Variants in COMT observed in about 807,000 individuals in gnomAD.
COMT encodes catechol O-methyltransferase.
Under a neutral mutation model 18.9 loss-of-function variants are expected in COMT, and 13 were observed. The ratio of observed to expected loss-of-function variants is 0.69; its 90% CI spans 0.45 to 1.09. COMT has a LOEUF of 1.09. Among genes scored for constraint, COMT ranks in the 50% least tolerant of loss-of-function variants. The pLI is 0.00. For missense variants in COMT, 329 were observed against 361.8 expected (o/e 0.91, Z 0.73); for synonymous variants, 150 against 160.9 (o/e 0.93, Z 0.51).
At position 19,968,747 on chromosome 22, in the gene COMT, G is replaced by C. The variant is rs138327309; in HGVS notation, c.*11G>C. 35 of 1,348,110 alleles carry C rather than the reference G, an allele frequency of 2.6e-5. No homozygotes were observed. Among genetic ancestry groups the C allele is most frequent in the East Asian group, 1.7e-4 (7 of 40,364 alleles). The allele number at this position is 1,348,110 out of a possible 1,614,324, so 83.5% of individuals were successfully genotyped here. On this transcript the variant is annotated 3_prime_UTR_variant, in exon 6 of 6. Transcript: ENST00000361682. Reference sequence around the variant, plus strand: ...GAAGCAGGGCCCTGACTGCCCCCCCGGCCCCCCTCTCGGGCTCTCTCACCC... The same window carrying C: ...GAAGCAGGGCCCTGACTGCCCCCCCCGCCCCCCTCTCGGGCTCTCTCACCC...
chr22:19,944,966 A>G (rs1035160172), intron 1 of COMT, among the ~76,000 whole-genome samples: 2 of 152,238 alleles, frequency 1.3e-5, no homozygotes, highest in Non-Finnish European at 2.9e-5. Flanking sequence ...GAAGATAATC[A>G]AAGTGAGATT....
chr22:19,956,637 A>G (rs1433537913), intron 1 of COMT, among the ~76,000 whole-genome samples: 2 of 152,176 alleles, frequency 1.3e-5, no homozygotes, highest in Non-Finnish European at 2.9e-5. Flanking sequence ...TGGCCTCCCA[A>G]AGTGCTGGGA....
At chr22:19,967,852 T>G (rs5993889) in intron 5 of COMT, among the ~76,000 whole-genome samples, 4,147 of 152,348 alleles carry the variant, frequency 0.027, 187 homozygotes, top group African/African-American at 0.092. Context: ...TCTGATAGCA[T>G]AGATAGGCAA....
intron 1 of COMT, among the ~76,000 whole-genome samples, chr22:19,958,383 T>C (rs963619816): frequency 6.6e-6 from 1 of 151,818 alleles, no homozygotes; most frequent in African/African-American, 2.4e-5. Context: ...CAGACTGGTA[T>C]GGGACTCCTG....
rs1303461986 is a variant in COMT at position 19,968,566 on chromosome 22, C to A, written c.646C>A (p.Leu216Ile). Residue 216 changes from leucine (L) to isoleucine (I), a missense_variant, in exon 6 of 6, where the codon CTA becomes ATA. Physicochemically the swap from Leu to Ile is conservative, Grantham distance 5. Transcript: ENST00000361682. ...ECGLLRKGTV[L>I]LADNVICPGA... The stretch of plus-strand genomic sequence containing the variant: ...TGGCCTGCTGCGGAAGGGGACAGTG[C>A]TACTGGCTGACAACGTGATCTGCCC... 1 of 1,614,042 alleles carries A rather than the reference C, an allele frequency of 6.2e-7. No individual in the cohort carries two copies. The highest frequency in any genetic ancestry group is 1.7e-5 in the Admixed American group (1 of 60,028).
intron 5 of COMT, chr22:19,964,609 C>A: frequency 1.7e-6 from 1 of 603,130 alleles, no homozygotes; most frequent in Non-Finnish European, 3.0e-6. Flanking sequence ...AGGGCAGAAA[C>A]GGCACAGGAC....
intron 1 of COMT, among the ~76,000 whole-genome samples, chr22:19,947,462 T>C (rs1601508162): frequency 6.6e-6 from 1 of 151,970 alleles, no homozygotes; most frequent in Admixed American, 6.6e-5. Flanking sequence ...GGGGGCAGGG[T>C]AAGGAGTGTG....
In COMT at chr22:19,968,567, T is replaced by G. The variant is rs1942559475; in HGVS notation, c.647T>G (p.Leu216Arg). ...ECGLLRKGTV[L>R]LADNVICPGA... ...GGCCTGCTGCGGAAGGGGACAGTGC[T>G]ACTGGCTGACAACGTGATCTGCCCA... is the stretch of plus-strand genomic sequence containing the variant. The change falls in exon 6 of 6, where the codon CTA (leucine) becomes CGA (arginine). Residue 216 changes from leucine (L) to arginine (R), a missense_variant. Coordinates refer to ENST00000361682, the MANE Select transcript of COMT (RefSeq NM_000754.4). 1 of 1,613,924 alleles carries G rather than the reference T, an allele frequency of 6.2e-7. No homozygotes were observed. Among genetic ancestry groups the G allele is most frequent in the African/African-American group, 1.3e-5 (1 of 74,908 alleles).
intron 5 of COMT, chr22:19,964,650 G>A (rs1942294892): frequency 5.1e-6 from 3 of 588,628 alleles, no homozygotes; most frequent in Non-Finnish European, 9.1e-6. Context: ...GGGCCGCTCT[G>A]GGCCCAGCCT....
intron 5 of COMT, among the ~76,000 whole-genome samples, chr22:19,966,687 T>C (rs1384236761): frequency 6.6e-6 from 1 of 152,110 alleles, no homozygotes; most frequent in African/African-American, 2.4e-5. Flanking sequence ...GCGATCCTCT[T>C]GCCTCAACCT....
intron 1 of COMT, chr22:19,950,842 AAGC>A (rs1171710673): frequency 6.6e-6 from 1 of 152,182 alleles, no homozygotes; most frequent in Admixed American, 6.5e-5. Context: ...ACAAGGAAGG[AAGC>A]AGACAGAGGC....
At chr22:19,964,653 C>T in intron 5 of COMT, 1 of 587,368 alleles carries the variant, frequency 1.7e-6, no homozygotes, top group Non-Finnish European at 3.0e-6. Context: ...CCGCTCTGGG[C>T]CCAGCCTGCT....
chr22:19,959,040 C>T (rs1176585021), intron 1 of COMT, among the ~76,000 whole-genome samples: 1 of 152,166 alleles, frequency 6.6e-6, no homozygotes, highest in Non-Finnish European at 1.5e-5. Flanking sequence ...GGACTCTTGA[C>T]GCTCCCCAGA....
intron 1 of COMT, among the ~76,000 whole-genome samples, chr22:19,958,783 T>TG (rs751677413): frequency 1.2e-4 from 18 of 149,408 alleles, no homozygotes; most frequent in Middle Eastern, 3.6e-3. Flanking sequence ...CCCAGCTACT[T>TG]GGGGGGGCTG....
At position 19,968,891 on chromosome 22, in the gene COMT, A is replaced by C. The variant is rs1601549710; in HGVS notation, c.*155A>C. On this transcript the variant is annotated 3_prime_UTR_variant, in exon 6 of 6. Transcript: ENST00000361682. ...CGCCCTGACATGCTAACCTCTCTGAACTGCAACACTGGATTGTTCTTTTTT... is the reference window on the plus strand; with the variant it reads ...CGCCCTGACATGCTAACCTCTCTGACCTGCAACACTGGATTGTTCTTTTTT... 1 of 668,810 alleles carries C rather than the reference A, an allele frequency of 1.5e-6. No individual in the cohort carries two copies. The highest frequency in any genetic ancestry group is 2.7e-6 in the Non-Finnish European group (1 of 375,438). 41.4% of individuals were successfully genotyped at this position (668,810 alleles called of 1,614,324 possible). A position where few individuals can be genotyped will look rare whatever the true frequency, so the allele number is the denominator to read the frequency against.
In COMT at chr22:19,960,579, C is replaced by CG. The variant is rs1411965805; in HGVS notation, c.-91-617dup. ...CCCCGCTGGGAAACACAGTGGGCCACGGGTTTCCCTGCAGGCCTGGGACCC... is the reference window on the plus strand; with the variant it reads ...CCCCGCTGGGAAACACAGTGGGCCACGGGGTTTCCCTGCAGGCCTGGGACCC... On this transcript the variant is annotated intron_variant, in intron 1 of 5. Coordinates refer to ENST00000361682, the MANE Select transcript of COMT (RefSeq NM_000754.4). 2.6e-5 allele frequency among the ~76,000 whole-genome samples: 4 copies of CG among 152,226 alleles called. No individual in the cohort carries two copies. In the East Asian group the frequency reaches 7.7e-4, roughly 29 times the overall value.
chr22:19,955,483 G>A (rs115794150), intron 1 of COMT, among the ~76,000 whole-genome samples: 1,555 of 152,368 alleles, frequency 0.01, 29 homozygotes, highest in African/African-American at 0.034. Context: ...CAAAGGGCAG[G>A]GCTTCTTGCA....
chr22:19,942,436 TC>T, intron 1 of COMT, among the ~76,000 whole-genome samples: 1 of 152,176 alleles, frequency 6.6e-6, no homozygotes, highest in South Asian at 2.1e-4. Flanking sequence ...CCAGGGCCTT[TC>T]CCTGCAAGAG....
rs954154166 is a variant in COMT, at chr22:19,943,920, G to A, written c.-92+2023G>A. 3.3e-5 allele frequency among the ~76,000 whole-genome samples: 5 copies of A among 152,154 alleles called. No individual in the cohort carries two copies. The East Asian group carries it at 9.6e-4, about 29-fold the overall frequency. On this transcript the variant is annotated intron_variant, in intron 1 of 5. Transcript: ENST00000361682. ...AGCTGGAGGGGGGGTCTTCCTGGGCGGCCTGTGTAGCAGCAGCTCCAGGCA... is the reference window on the plus strand; with the variant it reads ...AGCTGGAGGGGGGGTCTTCCTGGGCAGCCTGTGTAGCAGCAGCTCCAGGCA...
Sources: gnomAD v4.1 joint callset for allele counts (sites outside exome capture counted in the v4.1 genomes callset) on GRCh38, gnomAD v4.1.1 for gene constraint, MANE v1.5 for transcripts, NCBI Gene and HGNC (gene_info 2026-07-23, HGNC 2026-07-21) for gene names.